The following SUGCT variants were observed in gnomAD, a reference collection of about 807,000 sequenced individuals.
SUGCT encodes succinyl-CoA:glutarate CoA-transferase.
Under a neutral mutation model 55.0 loss-of-function variants are expected in SUGCT, and 41 were observed. The ratio of observed to expected loss-of-function variants is 0.74; its 90% confidence interval spans 0.58 to 0.97. The LOEUF (loss-of-function observed/expected upper bound fraction) is 0.97, where lower values mean the gene tolerates loss of function less well. Among genes scored for constraint, SUGCT ranks in the 50% least tolerant of loss-of-function variants. The probability of loss-of-function intolerance (pLI) is 0.00; values close to 1 mark genes in which losing one functional copy is unlikely to be tolerated. For missense variants in SUGCT, 568 were observed against 547.8 expected, an observed-to-expected ratio of 1.04 and a Z score of -0.37; for synonymous variants, 187 against 200.4, an observed-to-expected ratio of 0.93 and a Z score of 0.56.
At chr7:40,680,171 C>T (rs1045878756) in intron 12 of SUGCT, among the ~76,000 whole-genome samples, 11 of 152,200 alleles carry the variant, frequency 7.2e-5, no homozygotes, top group African/African-American at 2.6e-4. Context: ...ATCAGAATCA[C>T]CTAAATAAAT....
At chr7:40,952,086 C>A in the SUGCT span, among the ~76,000 whole-genome samples, 1 of 152,132 alleles carries the variant, frequency 6.6e-6, no homozygotes, top group East Asian at 1.9e-4. Flanking sequence ...GTGTGGGAGT[C>A]TAAGTCTCTT....
At chr7:40,670,362 A>G (rs1801877754) in intron 12 of SUGCT, among the ~76,000 whole-genome samples, 2 of 152,204 alleles carry the variant, frequency 1.3e-5, no homozygotes, top group South Asian at 4.1e-4. Context: ...AATCAATGAA[A>G]CAAAGGGCTG....
chr7:40,342,995 T>G (rs1797131913), intron 9 of SUGCT, among the ~76,000 whole-genome samples: 2 of 152,194 alleles, frequency 1.3e-5, no homozygotes, highest in African/African-American at 4.8e-5. Context: ...AAACCTGGTC[T>G]TGAATATTTT....
At chr7:40,609,856 T>A (rs995224975) in intron 12 of SUGCT, among the ~76,000 whole-genome samples, 2 of 152,210 alleles carry the variant, frequency 1.3e-5, no homozygotes, top group Admixed American at 6.5e-5. Context: ...TGATTTTTTT[T>A]AAGCCAAATC....
intron 4 of SUGCT, among the ~76,000 whole-genome samples, chr7:40,189,328 C>A (rs2150733028): frequency 6.7e-6 from 1 of 149,762 alleles, no homozygotes; most frequent in East Asian, 1.9e-4. Flanking sequence ...GGTGACAGAG[C>A]AAGACTCCAT....
At chr7:40,694,818 G>A (rs977130664) in intron 12 of SUGCT, among the ~76,000 whole-genome samples, 1 of 152,166 alleles carries the variant, frequency 6.6e-6, no homozygotes, top group East Asian at 1.9e-4. Flanking sequence ...GCTAGGAAAT[G>A]GCTCTGAACT....
intron 7 of SUGCT, among the ~76,000 whole-genome samples, chr7:40,242,669 G>A (rs897692389): frequency 1.3e-4 from 20 of 151,474 alleles, no homozygotes; most frequent in Non-Finnish European, 7.4e-5. Context: ...TATTTGTTAC[G>A]ATGTAGTAAA....
chr7:40,227,668 C>A (rs898265021), intron 6 of SUGCT, among the ~76,000 whole-genome samples: 1 of 151,714 alleles, frequency 6.6e-6, no homozygotes, highest in African/African-American at 2.4e-5. Flanking sequence ...TATTTTAAAG[C>A]AAACCTCAGA....
chr7:40,999,731 AGTAGCAGGATCATG>A, the SUGCT span, among the ~76,000 whole-genome samples: 1 of 152,222 alleles, frequency 6.6e-6, no homozygotes, highest in Admixed American at 6.5e-5. Flanking sequence ...CAAGGCCTCC[AGTAGCAGGATCATG>A]GTGGGACTTT....
chr7:40,996,078 A>C, the SUGCT span, among the ~76,000 whole-genome samples: 1 of 152,168 alleles, frequency 6.6e-6, no homozygotes, highest in East Asian at 1.9e-4. Flanking sequence ...TATCTTTGGA[A>C]AAAAATATCT....
At chr7:40,634,056 A>G (rs1354831165) in intron 12 of SUGCT, among the ~76,000 whole-genome samples, 1 of 152,198 alleles carries the variant, frequency 6.6e-6, no homozygotes, top group Non-Finnish European at 1.5e-5. Flanking sequence ...TTGCCTCTAT[A>G]GTCAAAATGG....
At chr7:40,443,192 C>T (rs1025621569) in intron 9 of SUGCT, among the ~76,000 whole-genome samples, 16 of 152,034 alleles carry the variant, frequency 1.1e-4, no homozygotes, top group East Asian at 1.9e-4. Context: ...TACGTGTGCA[C>T]GTGTCTTTAT....
intron 12 of SUGCT, among the ~76,000 whole-genome samples, chr7:40,743,552 A>C (rs1035192191): frequency 1.3e-5 from 2 of 152,246 alleles, no homozygotes; most frequent in African/African-American, 2.4e-5. Context: ...CTTAAAAGGC[A>C]GTAAGCTTCT....
At chr7:40,458,259 C>T (rs1789593442) in intron 10 of SUGCT, among the ~76,000 whole-genome samples, 1 of 152,228 alleles carries the variant, frequency 6.6e-6, no homozygotes, top group African/African-American at 2.4e-5. Flanking sequence ...GTAAATACTC[C>T]TTGTGACTTT....
the SUGCT span, among the ~76,000 whole-genome samples, chr7:40,993,441 T>G: frequency 1.3e-5 from 2 of 152,130 alleles, no homozygotes; most frequent in Non-Finnish European, 2.9e-5. Flanking sequence ...TCAGGAAGTG[T>G]TGGTAGAATC....
the SUGCT span, among the ~76,000 whole-genome samples, chr7:40,885,463 G>C: frequency 1.3e-5 from 2 of 152,168 alleles, no homozygotes. Context: ...AAGGGCCATG[G>C]CAGAAACTAG....
intron 13 of SUGCT, among the ~76,000 whole-genome samples, chr7:40,821,925 A>G (rs1340351471): frequency 6.6e-6 from 1 of 152,156 alleles, no homozygotes; most frequent in Non-Finnish European, 1.5e-5. Flanking sequence ...TCCTCTACAC[A>G]CTGCTTTAAA....
intron 13 of SUGCT, among the ~76,000 whole-genome samples, chr7:40,858,340 T>TTGTGG (rs1249558395): frequency 6.2e-4 from 90 of 144,530 alleles, no homozygotes; most frequent in Middle Eastern, 3.8e-3. Context: ...GAGGCGGAGG[T>TTGTGG]TGTGGTGAGC....
chr7:40,665,492 G>A (rs1801578260), intron 12 of SUGCT, among the ~76,000 whole-genome samples: 1 of 151,116 alleles, frequency 6.6e-6, no homozygotes, highest in Non-Finnish European at 1.5e-5. Context: ...ACTGGCTCAA[G>A]AGAGAAGAGA....
Sources: allele counts gnomAD v4.1 joint callset (sites outside exome capture counted in the v4.1 genomes callset), GRCh38; gene constraint gnomAD v4.1.1; transcripts MANE v1.5; gene names NCBI Gene and HGNC (gene_info 2026-07-23, HGNC 2026-07-21).